Variants in EPB41L2 observed in about 807,000 individuals in gnomAD.
EPB41L2 encodes the protein band 4.1-like protein 2.
In EPB41L2, 43 loss-of-function variants were observed where a neutral mutation model predicts 113.0. That is an observed-to-expected ratio of 0.38 (90% CI 0.30 to 0.49). The LOEUF (loss-of-function observed/expected upper bound fraction) is 0.49. Ranked by LOEUF, EPB41L2 falls within the 20% of genes least tolerant of loss-of-function variation. The probability of loss-of-function intolerance (pLI) is 0.95; values close to 1 mark genes in which losing one functional copy is unlikely to be tolerated. For synonymous variants in EPB41L2, 442 were observed against 436.7 expected, an observed-to-expected ratio of 1.01 and a Z score of -0.15; for missense variants, 1,147 against 1,223.4, an observed-to-expected ratio of 0.94 and a Z score of 0.93.
intron 1 of EPB41L2, chr6:131,015,168 CATT>C (rs1787915505): frequency 1.3e-5 from 2 of 152,120 alleles, no homozygotes; most frequent in African/African-American, 4.8e-5. Context: ...AGAGATTTCA[CATT>C]ATTGTTTATC....
At chr6:130,991,166 G>A (rs556268156) in intron 1 of EPB41L2, among the ~76,000 whole-genome samples, 2 of 152,232 alleles carry the variant, frequency 1.3e-5, no homozygotes, top group African/African-American at 4.8e-5. Flanking sequence ...GGAAACACCA[G>A]TAGTTCTGAA....
intron 19 of EPB41L2, among the ~76,000 whole-genome samples, chr6:130,846,927 T>G (rs1389713613): frequency 6.6e-6 from 1 of 152,250 alleles, no homozygotes; most frequent in African/African-American, 2.4e-5. Context: ...CTCTTAGAGA[T>G]GTCCAGTTCA....
At chr6:131,046,100 T>TA (rs397809729) in intron 1 of EPB41L2, among the ~76,000 whole-genome samples, 1 of 130,138 alleles carries the variant, frequency 7.7e-6, no homozygotes, top group African/African-American at 2.8e-5. Context: ...TTTTTTTTTT[T>TA]AGTAGAGACA....
chr6:131,009,179 T>C (rs1363467313), intron 1 of EPB41L2, among the ~76,000 whole-genome samples: 2 of 152,144 alleles, frequency 1.3e-5, no homozygotes, highest in African/African-American at 4.8e-5. Context: ...CAGGGGCAGT[T>C]CCCCAAGCTG....
chr6:131,062,826 G>T (rs1298423012), intron 1 of EPB41L2, among the ~76,000 whole-genome samples: 1 of 151,904 alleles, frequency 6.6e-6, no homozygotes, highest in Non-Finnish European at 1.5e-5. Flanking sequence ...CCGGGACGCG[G>T]CCCCGGTCCC....
intron 14 of EPB41L2, among the ~76,000 whole-genome samples, chr6:130,874,660 T>A (rs759027855): frequency 6.6e-6 from 1 of 152,218 alleles, no homozygotes; most frequent in East Asian, 1.9e-4. Flanking sequence ...TGTATTTTCC[T>A]GCATGTATTG....
chr6:130,934,263 C>A (rs983333502), intron 3 of EPB41L2, among the ~76,000 whole-genome samples: 15 of 152,104 alleles, frequency 9.9e-5, no homozygotes, highest in African/African-American at 3.4e-4. Context: ...AAACCCTGGT[C>A]AATTTTGTGT....
chr6:130,993,998 G>A (rs1782499962), intron 1 of EPB41L2, among the ~76,000 whole-genome samples: 1 of 152,106 alleles, frequency 6.6e-6, no homozygotes, highest in Non-Finnish European at 1.5e-5. Flanking sequence ...CAGTATACCG[G>A]GAATAAAACT....
chr6:130,907,926 C>T (rs1248508226), intron 5 of EPB41L2, among the ~76,000 whole-genome samples: 3 of 152,152 alleles, frequency 2.0e-5, no homozygotes, highest in Non-Finnish European at 1.5e-5. Context: ...CCTGGGACAA[C>T]TCTGGGCTCC....
intron 4 of EPB41L2, among the ~76,000 whole-genome samples, chr6:130,919,062 A>T (rs1231829562): frequency 6.6e-6 from 1 of 152,186 alleles, no homozygotes; most frequent in African/African-American, 2.4e-5. Flanking sequence ...AGCAAATCAG[A>T]TTATATATGA....
chr6:131,052,799 G>T (rs1462228577), intron 1 of EPB41L2, among the ~76,000 whole-genome samples: 1 of 152,100 alleles, frequency 6.6e-6, no homozygotes, highest in Non-Finnish European at 1.5e-5. Flanking sequence ...CCTCAGCAAG[G>T]TGGCAGAATA....
In EPB41L2 at chr6:130,858,159, A is replaced by G. The variant is rs760956588; in HGVS notation, c.2995T>C (p.Leu999=). 11 of 1,613,774 alleles carry G rather than the reference A, an allele frequency of 6.8e-6. No homozygotes were observed. The highest frequency in any genetic ancestry group is 2.2e-5 in the South Asian group (2 of 91,052). ...ACTTAATCTTCCCCTTCCTCAGCCAACTCTGTTTCTTTGTGTACCACCACT... is the reference window on the plus strand; with the variant it reads ...ACTTAATCTTCCCCTTCCTCAGCCAGCTCTGTTTCTTTGTGTACCACCACT... The part of the protein sequence containing the change: ...TRVVVHKETE[L]AEEGED The change falls in exon 19 of 20, where the codon TTG becomes CTG. Residue 999 remains leucine, a synonymous_variant. Coordinates refer to ENST00000337057, the MANE Select transcript of EPB41L2 (RefSeq NM_001431.4).
intron 1 of EPB41L2, among the ~76,000 whole-genome samples, chr6:131,022,400 A>T (rs1789715880): frequency 2.6e-5 from 4 of 152,174 alleles, no homozygotes. Flanking sequence ...TATAGGAGCT[A>T]TCTATCTCCT....
At chr6:130,910,028 C>T (rs1309694988) in intron 4 of EPB41L2, among the ~76,000 whole-genome samples, 1 of 152,116 alleles carries the variant, frequency 6.6e-6, no homozygotes, top group Admixed American at 6.5e-5. Flanking sequence ...GAAAAAACTA[C>T]CTTAAATTTC....
chr6:130,983,828 C>T (rs916291331), intron 1 of EPB41L2, among the ~76,000 whole-genome samples: 18 of 152,096 alleles, frequency 1.2e-4, no homozygotes, highest in African/African-American at 3.9e-4. Flanking sequence ...CATGCCCAGC[C>T]TGACTACAGA....
At chr6:130,907,719 T>C (rs1159580127) in intron 5 of EPB41L2, among the ~76,000 whole-genome samples, 4 of 151,578 alleles carry the variant, frequency 2.6e-5, no homozygotes, top group Admixed American at 6.6e-5. Flanking sequence ...AAAAGATAAA[T>C]AATTCGAGAG....
At chr6:130,917,581 C>A (rs1801521638) in intron 4 of EPB41L2, among the ~76,000 whole-genome samples, 2 of 145,184 alleles carry the variant, frequency 1.4e-5, no homozygotes, top group East Asian at 1.9e-4. Flanking sequence ...CATCTACTAA[C>A]CCCCACCCTG....
intron 1 of EPB41L2, among the ~76,000 whole-genome samples, chr6:130,994,867 C>T (rs1782706314): frequency 6.6e-6 from 1 of 152,120 alleles, no homozygotes; most frequent in African/African-American, 2.4e-5. Flanking sequence ...TTTGGAGAGG[C>T]TAATCAGAAA....
chr6:131,017,035 G>A (rs371068625), intron 1 of EPB41L2, among the ~76,000 whole-genome samples: 1 of 152,060 alleles, frequency 6.6e-6, no homozygotes, highest in African/African-American at 2.4e-5. Flanking sequence ...ACATTAAATT[G>A]TGTGTTGGAA....
Sources: gnomAD v4.1 joint callset for allele counts (sites outside exome capture counted in the v4.1 genomes callset) on GRCh38, gnomAD v4.1.1 for gene constraint, MANE v1.5 for transcripts, NCBI Gene and HGNC (gene_info 2026-07-23, HGNC 2026-07-21) for gene names.